DOK4: variants seen among roughly 807,000 people sequenced by gnomAD.
DOK4 encodes docking protein 4.
DOK4 carries 26 observed loss-of-function variants against 40.1 expected under a neutral mutation model. The ratio of observed to expected loss-of-function variants is 0.65; its 90% CI spans 0.48 to 0.90. DOK4 has a LOEUF of 0.90. Ranked by LOEUF, DOK4 falls within the 40% of genes least tolerant of loss-of-function variation. The probability of loss-of-function intolerance (pLI) is 0.00; values close to 1 mark genes in which losing one functional copy is unlikely to be tolerated. For missense variants in DOK4, 392 were observed against 437.2 expected (o/e 0.90, Z 0.92); for synonymous variants, 179 against 177.0 (o/e 1.01, Z -0.09).
At chr16:57,473,525 A>G in intron 8 of DOK4, 30 bp from the exon 9 acceptor site, 1 of 1,614,218 alleles carries the variant, frequency 6.2e-7, no homozygotes, top group East Asian at 2.2e-5. Context: ...CTCAGAACTC[A>G]GAGCTAGGTC....
intron 4 of DOK4, 23 bp downstream of exon 4, chr16:57,475,483 G>T: frequency 6.3e-7 from 1 of 1,576,172 alleles, no homozygotes; most frequent in Admixed American, 1.8e-5. Context: ...GGAGGCAGAT[G>T]GAGGCCCATA....
intron 1 of DOK4, among the ~76,000 whole-genome samples, chr16:57,483,101 T>C: frequency 6.6e-6 from 1 of 152,142 alleles, no homozygotes; most frequent in East Asian, 1.9e-4. Flanking sequence ...TAGTCCCTAA[T>C]GATGTTTGCA....
exon 8 of DOK4, chr16:57,473,694 G>A (rs1191431959): frequency 6.2e-7 from 1 of 1,614,030 alleles, no homozygotes; most frequent in Non-Finnish European, 8.5e-7. Context: ...ATGGTCGTGG[G>A]TGTGCAGGGA....
chr16:57,475,797 T>G, intron 3 of DOK4, 53 bp downstream of exon 3: 1 of 1,325,060 alleles, frequency 7.5e-7, no homozygotes, highest in South Asian at 1.2e-5. Flanking sequence ...TCTCTCTCTC[T>G]CCATCCCCCA....
chr16:57,475,387 C>T, intron 4 of DOK4, 119 bp downstream of exon 4: 1 of 1,359,562 alleles, frequency 7.4e-7, no homozygotes, highest in Non-Finnish European at 1.0e-6. Flanking sequence ...ACCCCCAACC[C>T]CACACACACC....
chr16:57,475,046 C>T (rs1567588154), intron 5 of DOK4, 54 bp downstream of exon 5: 1 of 1,577,334 alleles, frequency 6.3e-7, no homozygotes, highest in Non-Finnish European at 8.7e-7. Context: ...TCCTCCCTCC[C>T]TTCCTCTCTT....
rs2031106876 is a variant in DOK4 at position 57,475,498 on chromosome 16, C to CCT, written c.289+7_289+8insAG. 2 of 1,595,544 alleles carry CCT rather than the reference C, an allele frequency of 1.3e-6. No homozygotes were observed. The highest frequency in any genetic ancestry group is 2.7e-5 in the African/African-American group (2 of 74,550). On this transcript the variant is annotated splice_region_variant and intron_variant, in intron 4 of 8. Coordinates refer to ENST00000340099, the Ensembl canonical transcript of DOK4. ...GGAGGCAGATGGAGGCCCATACTCGCGCCTCACCTGAGTCGCAGGTGAAGG... is the reference window on the plus strand; with the variant it reads ...GGAGGCAGATGGAGGCCCATACTCGCCTGCCTCACCTGAGTCGCAGGTGAAGG...
chr16:57,473,763 C>G, intron 7 of DOK4, 27 bp from the exon 8 acceptor site: 1 of 1,597,864 alleles, frequency 6.3e-7, no homozygotes, highest in African/African-American at 1.3e-5. Context: ...GGGGTCACTC[C>G]CATTAGTGGC....
intron 3 of DOK4, 58 bp from the exon 4 acceptor site, chr16:57,475,678 C>CTCTCTCTCTCAA: frequency 1.2e-6 from 1 of 858,756 alleles, no homozygotes; most frequent in Non-Finnish European, 1.8e-6. Context: ...CTCTCTCTCT[C>CTCTCTCTCTCAA]TCTCTCTCTC....
At chr16:57,477,037 G>A (rs1254205644) in intron 2 of DOK4, among the ~76,000 whole-genome samples, 2 of 152,202 alleles carry the variant, frequency 1.3e-5, no homozygotes, top group Admixed American at 1.3e-4. Flanking sequence ...GCCCGACAGA[G>A]CCTGTTCCCC....
At chr16:57,473,689 C>T (rs1383010178) in exon 8 of DOK4, 7 of 1,614,114 alleles carry the variant, frequency 4.3e-6, no homozygotes, top group Admixed American at 3.3e-5. Flanking sequence ...GCAGCATGGT[C>T]GTGGGTGTGC....
chr16:57,474,937 T>C, exon 6 of DOK4: 2 of 1,613,782 alleles, frequency 1.2e-6, no homozygotes, highest in Non-Finnish European at 1.7e-6. Context: ...GCACTCGCCA[T>C]ACACGTCCAG....
chr16:57,473,170 C>T, exon 9 of DOK4: 5 of 652,636 alleles, frequency 7.7e-6, no homozygotes, highest in Admixed American at 3.0e-5. Context: ...TATAGTCCCA[C>T]GGTAGCTCCA....
intron 1 of DOK4, among the ~76,000 whole-genome samples, chr16:57,482,363 GTTT>G (rs11390639): frequency 3.2e-5 from 3 of 93,034 alleles, no homozygotes; most frequent in Admixed American, 1.3e-4. Flanking sequence ...TGGGGCTTTT[GTTT>G]TTTTTTTTTT....
At chr16:57,475,512 C>A (rs755062671) in exon 4 of DOK4, 1 of 1,605,266 alleles carries the variant, frequency 6.2e-7, no homozygotes, top group Non-Finnish European at 8.5e-7. Context: ...TCACCTGAGT[C>A]GCAGGTGAAG....
At chr16:57,482,201 AC>A (rs1356787903) in intron 1 of DOK4, among the ~76,000 whole-genome samples, 22 of 150,378 alleles carry the variant, frequency 1.5e-4, no homozygotes, top group African/African-American at 5.1e-4. Context: ...CTGCTCTGTC[AC>A]CCAGGCTGGA....
rs545027488 is a variant in DOK4, at chr16:57,474,409, C to G, written c.600-370G>C. Among the ~76,000 whole-genome samples, 12 of 152,178 alleles carry G rather than the reference C, an allele frequency of 7.9e-5. 1 individual carries two copies. In the South Asian group the frequency reaches 2.5e-3, roughly 32 times the overall value. On this transcript the variant is annotated intron_variant, in intron 6 of 8. Transcript: ENST00000340099. ...GCAGAGGATTATATGGAATTTCAGT[C>G]TAGGCAGACTGACTCCAGAGTTCAA...
chr16:57,474,162 G>C lies in DOK4; in HGVS notation c.600-123C>G, dbSNP rs570896242. 7 of 1,363,778 alleles carry C rather than the reference G, an allele frequency of 5.1e-6. No homozygotes were observed. The African/African-American group carries it at 1.0e-4, about 19-fold the overall frequency. The allele number at this position is 1,363,778 out of a possible 1,614,324, so 84.5% of individuals were successfully genotyped here. ...CCAGGCCGGGAGGACAGGTAGGGCT[G>C]TGGTCTGGGGGTCCGACCACACGGT... is the stretch of plus-strand genomic sequence containing the variant. On this transcript the variant is annotated intron_variant, in intron 6 of 8. Transcript: ENST00000340099.
intron 1 of DOK4, among the ~76,000 whole-genome samples, chr16:57,484,533 G>A (rs1159153338): frequency 6.6e-6 from 1 of 152,202 alleles, no homozygotes; most frequent in East Asian, 1.9e-4. Context: ...GGCAGAAGGA[G>A]GGGACATCTG....
Sources: gnomAD v4.1 joint callset for allele counts (sites outside exome capture counted in the v4.1 genomes callset) on GRCh38, gnomAD v4.1.1 for gene constraint, MANE v1.5 for transcripts, NCBI Gene and HGNC (gene_info 2026-07-23, HGNC 2026-07-21) for gene names.